ACIN1: variants seen among roughly 807,000 people sequenced by gnomAD.
ACIN1 encodes the protein apoptotic chromatin condensation inducer 1, also known as apoptotic chromatin condensation inducer in the nucleus.
A neutral mutation model predicts 146.6 loss-of-function variants in ACIN1; 16 were observed. The ratio of observed to expected loss-of-function variants is 0.11; its 90% CI spans 0.07 to 0.17. ACIN1 has a LOEUF of 0.17. Ranked by LOEUF, ACIN1 falls within the 10% of genes least tolerant of loss-of-function variation. The probability of loss-of-function intolerance (pLI) is 1.00; values close to 1 mark genes in which losing one functional copy is unlikely to be tolerated. For synonymous variants in ACIN1, 569 were observed against 582.7 expected (o/e 0.98, Z 0.34); for missense variants, 1,357 against 1,609.3 (o/e 0.84, Z 2.68).
At position 23,090,613 on chromosome 14, in the gene ACIN1, C is replaced by G. The variant is rs2048204717; in HGVS notation, c.225G>C (p.Gln75His). Reference protein sequence around the residue: ...PNSQIGEEMSQNSFIKQYLEK... With the variant: ...PNSQIGEEMSHNSFIKQYLEK... Reference sequence around the variant, plus strand: ...CCAGATACTGTTTTATGAAACTGTTCTGGCTCATTTCCTCACCAATCTGTG... The same window carrying G: ...CCAGATACTGTTTTATGAAACTGTTGTGGCTCATTTCCTCACCAATCTGTG... Residue 75 changes from glutamine to histidine, a missense_variant, in exon 3 of 19, where the codon CAG becomes CAC. By Grantham distance (24) the Gln-to-His change is conservative. This residue lies in a region of ACIN1 where 55 missense variants were observed against 123.9 expected (regional missense o/e 0.44). Coordinates refer to ENST00000605057, the MANE Select transcript of ACIN1 (RefSeq NM_001386863.1). 1 of 1,613,796 alleles carries G rather than the reference C, an allele frequency of 6.2e-7. No homozygotes were observed. The highest frequency in any genetic ancestry group is 1.3e-5 in the African/African-American group (1 of 74,910).
At chr14:23,081,650 C>A in intron 5 of ACIN1, 98 bp downstream of exon 5, 1 of 1,092,704 alleles carries the variant, frequency 9.2e-7, no homozygotes, top group Non-Finnish European at 1.3e-6. Context: ...AACAAAACCC[C>A]TAAATGTAGA....
intron 9 of ACIN1, 111 bp from the exon 10 acceptor site, chr14:23,066,119 G>T: frequency 1.3e-6 from 1 of 779,684 alleles, no homozygotes; most frequent in African/African-American, 1.7e-5. Flanking sequence ...GACACAGATA[G>T]AGTGAGAGAG....
intron 13 of ACIN1, 68 bp from the exon 14 acceptor site, chr14:23,063,142 ACT>A (rs1781547970): frequency 1.4e-6 from 2 of 1,477,050 alleles, no homozygotes; most frequent in East Asian, 4.6e-5. Flanking sequence ...CCTCAATGTA[ACT>A]CTCACGGTTC....
chr14:23,066,266 T>C, intron 9 of ACIN1: 1 of 401,820 alleles, frequency 2.5e-6, no homozygotes, highest in South Asian at 3.2e-5. Context: ...CTACTCCGTA[T>C]CACACCTGTG....
At chr14:23,095,557 C>T (rs17126531), upstream of ACIN1, 7 of 464,788 alleles carry the variant, frequency 1.5e-5, no homozygotes, top group Admixed American at 4.0e-5. Flanking sequence ...TGGAAGCTGC[C>T]GCAGTAGTTG....
intron 1 of ACIN1, chr14:23,094,514 C>T (rs2048317323): frequency 2.0e-6 from 2 of 985,236 alleles, no homozygotes; most frequent in Admixed American, 1.2e-4. Flanking sequence ...ATCGAGCAGA[C>T]ATTTTACCCT....
chr14:23,088,373 C>T (rs2048140816), intron 4 of ACIN1, among the ~76,000 whole-genome samples: 1 of 152,150 alleles, frequency 6.6e-6, no homozygotes. Flanking sequence ...CTAGAAATGT[C>T]TTTCTGGGTC....
intron 8 of ACIN1, among the ~76,000 whole-genome samples, chr14:23,072,255 TGACA>T (rs1474227764): frequency 2.0e-5 from 3 of 152,182 alleles, no homozygotes; most frequent in Admixed American, 2.0e-4. Context: ...TCTGAAGAGA[TGACA>T]GACAACTTTG....
rs1267934599 is a variant in ACIN1, at chr14:23,068,545, G to A, written c.2265+931C>T. On this transcript the variant is annotated intron_variant, in intron 9 of 18. Transcript: ENST00000605057. The surrounding 1 kb of genome is among the most constrained non-coding windows in gnomAD (Gnocchi z 4.3). ...ATGCCCCCCTCTGGCCAAGACACCT[G>A]GATAGCAGACTTGGCTCTGATTGGG... The A allele has an allele frequency of 4.1e-6, 4 of 985,908 alleles. No individual in the cohort carries two copies. In the South Asian group the frequency reaches 1.9e-4, roughly 46 times the overall value. 61.1% of individuals were successfully genotyped at this position (985,908 alleles called of 1,614,324 possible).
chr14:23,090,658 G>C (rs1370316134), intron 2 of ACIN1, 25 bp from the exon 3 acceptor site: 22 of 1,583,816 alleles, frequency 1.4e-5, no homozygotes, highest in Non-Finnish European at 1.9e-5. Context: ...TGAAAACAGA[G>C]GGTCTAGGAA....
intron 8 of ACIN1, among the ~76,000 whole-genome samples, chr14:23,073,436 T>C (rs1274115520): frequency 1.3e-5 from 2 of 152,222 alleles, no homozygotes; most frequent in African/African-American, 4.8e-5. Flanking sequence ...TCCCAGCACT[T>C]TGGGAGGCTG....
In ACIN1 at chr14:23,059,043, TGAAA is replaced by T; in HGVS notation, c.*101_*104del. On this transcript the variant is annotated 3_prime_UTR_variant, in exon 19 of 19. Transcript: ENST00000605057. ...GGTATGTATGTAGGGATAGGTGATG[TGAAA>T]GACCCTTGGCTCCAGGGTGGTGGAG... 9.1e-7 allele frequency: 1 copy of T among 1,103,292 alleles called. No individual in the cohort carries two copies. The highest frequency in any genetic ancestry group is 1.3e-6 in the Non-Finnish European group (1 of 754,716). 68.3% of individuals were successfully genotyped at this position (1,103,292 alleles called of 1,614,324 possible). A position where few individuals can be genotyped will look rare whatever the true frequency, so the allele number is the denominator to read the frequency against.
intron 10 of ACIN1, among the ~76,000 whole-genome samples, chr14:23,065,698 T>C (rs905335468): frequency 3.9e-5 from 6 of 152,240 alleles, no homozygotes; most frequent in African/African-American, 1.4e-4. Flanking sequence ...AAAGAATAAA[T>C]GCCTCTAAGG....
At chr14:23,065,403 T>TG (rs2047421336) in intron 10 of ACIN1, among the ~76,000 whole-genome samples, 1 of 152,182 alleles carries the variant, frequency 6.6e-6, no homozygotes, top group Non-Finnish European at 1.5e-5. Context: ...CTGTCCAACA[T>TG]GGGGAAACCC....
At position 23,067,792 on chromosome 14, in the gene ACIN1, T is replaced by G. The variant is rs1456047720; in HGVS notation, c.2265+1684A>C. 1 of 985,808 alleles carries G rather than the reference T, an allele frequency of 1.0e-6. No individual in the cohort carries two copies. Among genetic ancestry groups the G allele is most frequent in the African/African-American group, 1.7e-5 (1 of 57,206 alleles). The allele number at this position is 985,808 out of a possible 1,614,324, so 61.1% of individuals were successfully genotyped here. ...TCCAGGTGATGACTCCAGAGTCCCT[T>G]TCTCCTCTGCCTGTAACTGGGGAGG... On this transcript the variant is annotated intron_variant, in intron 9 of 18. Coordinates refer to ENST00000605057, the MANE Select transcript of ACIN1 (RefSeq NM_001386863.1). The surrounding 1 kb of genome is among the most constrained non-coding windows in gnomAD (Gnocchi z 4.6).
chr14:23,076,174 GATTT>G (rs1019951500), intron 8 of ACIN1, among the ~76,000 whole-genome samples: 2 of 152,162 alleles, frequency 1.3e-5, no homozygotes, highest in Non-Finnish European at 2.9e-5. Context: ...CCTTCTCAAA[GATTT>G]ATTTACCAGA....
intron 10 of ACIN1, among the ~76,000 whole-genome samples, chr14:23,065,765 A>G (rs894051970): frequency 2.0e-5 from 3 of 152,180 alleles, no homozygotes; most frequent in Admixed American, 1.3e-4. Flanking sequence ...ATGTGACTGG[A>G]GCAATATGAT....
rs2047524489 is a variant in ACIN1, at chr14:23,068,463, C to G, written c.2265+1013G>C. ...CTCCAGAACAGTGTTCTTCTTGGCCCCCTGATGTAAGCAAGACAGGGAGGC... is the reference window on the plus strand; with the variant it reads ...CTCCAGAACAGTGTTCTTCTTGGCCGCCTGATGTAAGCAAGACAGGGAGGC... On this transcript the variant is annotated intron_variant, in intron 9 of 18. Coordinates refer to ENST00000605057, the MANE Select transcript of ACIN1 (RefSeq NM_001386863.1). The surrounding 1 kb of genome is among the most constrained non-coding windows in gnomAD (Gnocchi z 4.3). 1 of 985,856 alleles carries G rather than the reference C, an allele frequency of 1.0e-6. No homozygotes were observed. The highest frequency in any genetic ancestry group is 4.7e-5 in the South Asian group (1 of 21,282). 61.1% of individuals were successfully genotyped at this position (985,856 alleles called of 1,614,324 possible).
intron 5 of ACIN1, 36 bp downstream of exon 5, chr14:23,081,712 C>CCTCT: frequency 1.2e-5 from 18 of 1,512,404 alleles, no homozygotes; most frequent in Non-Finnish European, 1.5e-5. Context: ...CAAAGCATTA[C>CCTCT]TGAAGAGGTA....
Sources: allele counts gnomAD v4.1 joint callset (sites outside exome capture counted in the v4.1 genomes callset), GRCh38; gene constraint gnomAD v4.1.1; regional missense constraint gnomAD v4.1.1; non-coding constraint Gnocchi (gnomAD v3.1); transcripts MANE v1.5; gene names NCBI Gene and HGNC (gene_info 2026-07-23, HGNC 2026-07-21).